Variants in LMO3 observed in about 807,000 individuals in gnomAD.
LMO3 encodes the protein LIM domain only 3.
A neutral mutation model predicts 15.8 loss-of-function variants in LMO3; 2 were observed. That is an observed-to-expected ratio of 0.13 (90% CI 0.05 to 0.40). The LOEUF (loss-of-function observed/expected upper bound fraction) is 0.40, where lower values mean the gene tolerates loss of function less well. Ranked by LOEUF, LMO3 falls within the 10% of genes least tolerant of loss-of-function variation. The pLI is 0.99. For synonymous variants in LMO3, 62 were observed against 63.8 expected (o/e 0.97, Z 0.13); for missense variants, 86 against 182.2 (o/e 0.47, Z 3.04).
chr12:16,606,354 G>C (rs1944002533), upstream of LMO3: 1 of 152,508 alleles, frequency 6.6e-6, no homozygotes, highest in African/African-American at 2.4e-5. Context: ...CAGCGTGCGA[G>C]GAGCCGAGCT....
intron 2 of LMO3, among the ~76,000 whole-genome samples, chr12:16,581,988 GTTTTC>G (rs1943174058): frequency 2.0e-5 from 3 of 151,714 alleles, no homozygotes; most frequent in Non-Finnish European, 2.9e-5. Context: ...TATTTACTTC[GTTTTC>G]TTATCTTATT....
Position 16,589,008 on chromosome 12 carries a change from G to A in LMO3, c.206+11647C>T, listed in dbSNP as rs78654687. Among the ~76,000 whole-genome samples, 4,376 of 152,054 alleles carry A rather than the reference G, an allele frequency of 0.029. 214 individuals carry two copies. The highest frequency in any genetic ancestry group is 0.1 in the African/African-American group (4,141 of 41,446). ...GATTCCTATTTCTAGAGAAGAAAACGCAGACTTGGAGAGGTTGAGTAAGTT... is the reference window on the plus strand; with the variant it reads ...GATTCCTATTTCTAGAGAAGAAAACACAGACTTGGAGAGGTTGAGTAAGTT... On this transcript the variant is annotated intron_variant, in intron 2 of 3. Transcript: ENST00000537304. This position sits in a 1 kb window ranked among gnomAD's most constrained non-coding sequence, Gnocchi z 4.2.
In LMO3 at chr12:16,559,854, C is replaced by T. The variant is rs1222249425; in HGVS notation, c.332+559G>A. 2.0e-5 allele frequency among the ~76,000 whole-genome samples: 3 copies of T among 151,116 alleles called. No individual in the cohort carries two copies. The highest frequency in any genetic ancestry group is 2.1e-4 in the South Asian group (1 of 4,790). On this transcript the variant is annotated intron_variant, in intron 3 of 3. Coordinates refer to ENST00000537304, the MANE Select transcript of LMO3 (RefSeq NM_018640.5). The surrounding 1 kb of genome is among the most constrained non-coding windows in gnomAD (Gnocchi z 4.1). ...GTGCACACCTGTACTCCCAGCTACT[C>T]GGGAGGCTGAGGCAGGAGGATTGCT...
Position 16,593,999 on chromosome 12 carries a change from G to T in LMO3, c.206+6656C>A. On this transcript the variant is annotated intron_variant, in intron 2 of 3. Transcript: ENST00000537304. The surrounding 1 kb of genome is among the most constrained non-coding windows in gnomAD (Gnocchi z 4.2). The stretch of plus-strand genomic sequence containing the variant: ...TAAAATCACAAGGAAATAAATTTAG[G>T]CATTCTGTAGTTTTATAAAAGTTGT... 2 of 671,076 alleles carry T rather than the reference G, an allele frequency of 3.0e-6. No individual in the cohort carries two copies. The highest frequency in any genetic ancestry group is 3.0e-5 in the Admixed American group (1 of 33,252). 41.6% of individuals were successfully genotyped at this position (671,076 alleles called of 1,614,324 possible).
chr12:16,609,077 A>T (rs998390093), upstream of LMO3: 1 of 152,216 alleles, frequency 6.6e-6, no homozygotes, highest in South Asian at 2.1e-4. Flanking sequence ...CTTCATAATC[A>T]TATGAATTAT....
intron 2 of LMO3, chr12:16,567,295 T>C (rs1942652583): frequency 6.4e-6 from 1 of 155,818 alleles, no homozygotes; most frequent in South Asian, 1.9e-4. Flanking sequence ...TGAGGTTCAA[T>C]GAACCTTTTT....
Position 16,589,849 on chromosome 12 carries a change from G to A in LMO3, c.206+10806C>T, listed in dbSNP as rs1943435831. On this transcript the variant is annotated intron_variant, in intron 2 of 3. Coordinates refer to ENST00000537304, the MANE Select transcript of LMO3 (RefSeq NM_018640.5). This position sits in a 1 kb window ranked among gnomAD's most constrained non-coding sequence, Gnocchi z 4.2. ...CTGTTAGAAATTGTAACAGAAAAAA[G>A]CCCCCAAGATGCAGACCACAGTAGG... is the stretch of plus-strand genomic sequence containing the variant. Among the ~76,000 whole-genome samples, 1 of 152,008 alleles carries A rather than the reference G, an allele frequency of 6.6e-6. No individual in the cohort carries two copies. The highest frequency in any genetic ancestry group is 1.5e-5 in the Non-Finnish European group (1 of 67,982).
Position 16,587,527 on chromosome 12 carries a change from G to T in LMO3, c.206+13128C>A, listed in dbSNP as rs960983356. 6.6e-6 allele frequency among the ~76,000 whole-genome samples: 1 copy of T among 151,696 alleles called. No homozygotes were observed. The highest frequency in any genetic ancestry group is 1.5e-5 in the Non-Finnish European group (1 of 67,950). On this transcript the variant is annotated intron_variant, in intron 2 of 3. Coordinates refer to ENST00000537304, the MANE Select transcript of LMO3 (RefSeq NM_018640.5). The surrounding 1 kb of genome is among the most constrained non-coding windows in gnomAD (Gnocchi z 4.3). ...TGCCTCTTTTTTAAATAAACCCCTGGCCTTGAGTTTTGGCCCCTTAATAGT... is the reference window on the plus strand; with the variant it reads ...TGCCTCTTTTTTAAATAAACCCCTGTCCTTGAGTTTTGGCCCCTTAATAGT...
intron 3 of LMO3, among the ~76,000 whole-genome samples, chr12:16,552,969 T>C (rs892257394): frequency 1.3e-5 from 2 of 152,222 alleles, no homozygotes; most frequent in Non-Finnish European, 2.9e-5. Flanking sequence ...TAATTGAAAA[T>C]AAAACTTTGG....
Position 16,604,265 on chromosome 12 carries a change from C to A in LMO3, c.-9+1801G>T, listed in dbSNP as rs1378441065. 3.9e-5 allele frequency among the ~76,000 whole-genome samples: 6 copies of A among 152,134 alleles called. No individual in the cohort carries two copies. Among genetic ancestry groups the A allele is most frequent in the Admixed American group, 2.6e-4 (4 of 15,276 alleles). On this transcript the variant is annotated intron_variant, in intron 1 of 3. Transcript: ENST00000537304. The surrounding 1 kb of genome is among the most constrained non-coding windows in gnomAD (Gnocchi z 5.3). ...CAGGCTGCAGCCCCCTAAGGGACAA[C>A]AATGCAAATAGATGTCCCCAGATCT...
At chr12:16,563,831 G>A (rs980823481) in intron 2 of LMO3, among the ~76,000 whole-genome samples, 3 of 151,856 alleles carry the variant, frequency 2.0e-5, no homozygotes, top group East Asian at 1.9e-4. Flanking sequence ...ATACATTTAC[G>A]GTAAGGAAAA....
At position 16,599,800 on chromosome 12, in the gene LMO3, T is replaced by G. The variant is rs1943764626; in HGVS notation, c.206+855A>C. ...TGCTGGAAAACAAGCTTTAGTAGGC[T>G]TCATAGCTCCATAACCAAGAACACC... On this transcript the variant is annotated intron_variant, in intron 2 of 3. Coordinates refer to ENST00000537304, the MANE Select transcript of LMO3 (RefSeq NM_018640.5). The surrounding 1 kb of genome is among the most constrained non-coding windows in gnomAD (Gnocchi z 4.1). 6.6e-6 allele frequency: 1 copy of G among 152,166 alleles called. No individual in the cohort carries two copies. The highest frequency in any genetic ancestry group is 6.5e-5 in the Admixed American group (1 of 15,270). The allele number at this position is 152,166 out of a possible 1,614,324, so 9.4% of individuals were successfully genotyped here.
Position 16,555,411 on chromosome 12 carries a change from T to C in LMO3, c.333-4084A>G, listed in dbSNP as rs981522011. On this transcript the variant is annotated intron_variant, in intron 3 of 3. Transcript: ENST00000537304. The surrounding 1 kb of genome is among the most constrained non-coding windows in gnomAD (Gnocchi z 5.5). ...TGAATGTGTAACTGGTTTGCCATTA[T>C]AGTCAGCAGTTCTGCGGTAAATGAC... Among the ~76,000 whole-genome samples the C allele has an allele frequency of 2.6e-5, 4 of 152,228 alleles. No individual in the cohort carries two copies. Among genetic ancestry groups the C allele is most frequent in the African/African-American group, 9.6e-5 (4 of 41,460 alleles).
At chr12:16,554,660 C>G (rs1013287236) in intron 3 of LMO3, among the ~76,000 whole-genome samples, 16 of 152,182 alleles carry the variant, frequency 1.1e-4, no homozygotes, top group Non-Finnish European at 2.2e-4. Flanking sequence ...TATATCTATT[C>G]ACATTTATAT....
At position 16,582,014 on chromosome 12, in the gene LMO3, G is replaced by A. The variant is rs183334515; in HGVS notation, c.206+18641C>T. Among the ~76,000 whole-genome samples, 65 of 151,974 alleles carry A rather than the reference G, an allele frequency of 4.3e-4. No homozygotes were observed. Among genetic ancestry groups the A allele is most frequent in the Non-Finnish European group, 6.2e-4 (42 of 67,946 alleles). On this transcript the variant is annotated intron_variant, in intron 2 of 3. Transcript: ENST00000537304. This position sits in a 1 kb window ranked among gnomAD's most constrained non-coding sequence, Gnocchi z 4.1. ...TTTTCTTATCTTATTACATTGGCTA[G>A]ACCCTTTAAAACATTAAATATGAGG...
At chr12:16,553,867 G>GAA (rs75193044) in intron 3 of LMO3, among the ~76,000 whole-genome samples, 3 of 132,690 alleles carry the variant, frequency 2.3e-5, no homozygotes, top group African/African-American at 8.3e-5. Context: ...GCATTTGCAG[G>GAA]AAAAAAAAAA....
chr12:16,556,053 C>T (rs897272448), intron 3 of LMO3, among the ~76,000 whole-genome samples: 1 of 152,078 alleles, frequency 6.6e-6, no homozygotes, highest in Non-Finnish European at 1.5e-5. Context: ...AGAAATAAAC[C>T]AGATTTTATC....
rs1235864263 is a variant in LMO3 at position 16,582,619 on chromosome 12, A to G, written c.206+18036T>C. Among the ~76,000 whole-genome samples, 1 of 152,214 alleles carries G rather than the reference A, an allele frequency of 6.6e-6. No homozygotes were observed. Among genetic ancestry groups the G allele is most frequent in the Non-Finnish European group, 1.5e-5 (1 of 68,034 alleles). ...TACGGGTAGAGATTGAGCCATCACA[A>G]TAAGAGGAGGGATTGAAACCATGAG... On this transcript the variant is annotated intron_variant, in intron 2 of 3. Transcript: ENST00000537304. This position sits in a 1 kb window ranked among gnomAD's most constrained non-coding sequence, Gnocchi z 4.1.
chr12:16,605,947 G>T (rs2137745938), intron 1 of LMO3, 119 bp downstream of exon 1: 1 of 870,008 alleles, frequency 1.1e-6, no homozygotes, highest in Non-Finnish European at 1.8e-6. Flanking sequence ...TCCAGTTTAT[G>T]CCTCATTAGC....
Sources: gnomAD v4.1 joint callset for allele counts (sites outside exome capture counted in the v4.1 genomes callset) on GRCh38, gnomAD v4.1.1 for gene constraint, Gnocchi (gnomAD v3.1) non-coding constraint, MANE v1.5 for transcripts, NCBI Gene and HGNC (gene_info 2026-07-23, HGNC 2026-07-21) for gene names.